DEPDC5: variants seen among roughly 807,000 people sequenced by gnomAD.
DEPDC5 encodes the protein DEP domain containing 5, GATOR1 subcomplex subunit.
DEPDC5 carries 73 observed loss-of-function variants against 217.3 expected under a neutral mutation model. That is an observed-to-expected ratio of 0.34 (90% CI 0.28 to 0.41). The LOEUF (loss-of-function observed/expected upper bound fraction) is 0.41. DEPDC5 is among the 10% of genes least tolerant of loss of function. The probability of loss-of-function intolerance (pLI) is 1.00; values close to 1 mark genes in which losing one functional copy is unlikely to be tolerated. For missense variants in DEPDC5, 1,675 were observed against 2,070.1 expected (o/e 0.81, Z 3.70); for synonymous variants, 733 against 756.7 (o/e 0.97, Z 0.51).
At chr22:31,795,479 C>T (rs1373073675) in intron 12 of DEPDC5, among the ~76,000 whole-genome samples, 10 of 151,950 alleles carry the variant, frequency 6.6e-5, no homozygotes, top group Middle Eastern at 3.2e-3. Context: ...CTGCAAACTC[C>T]GCCTTCCAGG....
rs56945140 is a variant in DEPDC5 at position 31,873,593 on chromosome 22, C to G, written c.3563+261C>G. Among the ~76,000 whole-genome samples, 3,469 of 151,962 alleles carry G rather than the reference C, an allele frequency of 0.023. 123 individuals carry two copies. The highest frequency in any genetic ancestry group is 0.074 in the African/African-American group (3,055 of 41,390). On this transcript the variant is annotated intron_variant, in intron 35 of 42. Coordinates refer to ENST00000651528, the MANE Select transcript of DEPDC5 (RefSeq NM_001242896.3). ...GTGTCGCCATCTTGGCTCACCCAAC[C>G]TCTGCCTCAAGATGGGATTTTTTTA...
intron 10 of DEPDC5, among the ~76,000 whole-genome samples, chr22:31,790,279 A>G: frequency 6.6e-6 from 1 of 152,168 alleles, no homozygotes; most frequent in East Asian, 1.9e-4. Context: ...GTCACTAAGC[A>G]TACTTAAGAT....
At chr22:31,873,442 GT>G in intron 35 of DEPDC5, 110 bp downstream of exon 35, 1 of 1,192,330 alleles carries the variant, frequency 8.4e-7, no homozygotes, top group East Asian at 2.5e-5. Context: ...CTTCTCACCA[GT>G]TTTGAGAGCT....
At chr22:31,869,211 C>T (rs1346398707) in intron 33 of DEPDC5, among the ~76,000 whole-genome samples, 1 of 150,890 alleles carries the variant, frequency 6.6e-6, no homozygotes, top group Non-Finnish European at 1.5e-5. Context: ...GCACTCCAGC[C>T]TGAGCAAAAG....
rs2088983977 is a variant in DEPDC5 at position 31,815,483 on chromosome 22, C to CA, written c.1666+273dup. On this transcript the variant is annotated intron_variant, in intron 21 of 42. Transcript: ENST00000651528. ...CAGTGCGGCCTTGAACTCCTGGACT[C>CA]AATCGATCCTCCCACCTCTGCCTCC... 9 of 662,206 alleles carry CA rather than the reference C, an allele frequency of 1.4e-5. No homozygotes were observed. The South Asian group carries it at 1.5e-4, about 11-fold the overall frequency. The allele number at this position is 662,206 out of a possible 1,614,324, so 41.0% of individuals were successfully genotyped here. A position where few individuals can be genotyped will look rare whatever the true frequency, so the allele number is the denominator to read the frequency against.
At chr22:31,789,000 G>A (rs911324671) in intron 10 of DEPDC5, among the ~76,000 whole-genome samples, 3 of 152,076 alleles carry the variant, frequency 2.0e-5, no homozygotes, top group Admixed American at 6.6e-5. Flanking sequence ...AGGTACAAGC[G>A]ATTCTCGTCC....
At position 31,848,993 on chromosome 22, in the gene DEPDC5, T is replaced by C. The variant is rs1019656847; in HGVS notation, c.3155+2026T>C. On this transcript the variant is annotated intron_variant, in intron 31 of 42. Coordinates refer to ENST00000651528, the MANE Select transcript of DEPDC5 (RefSeq NM_001242896.3). Reference sequence around the variant, plus strand: ...TCCAGTTCCCAACAAGTTGCCCATCTCCATCTGAGACCACTTCAGCCTAGA... The same window carrying C: ...TCCAGTTCCCAACAAGTTGCCCATCCCCATCTGAGACCACTTCAGCCTAGA... Among the ~76,000 whole-genome samples, 7 of 152,286 alleles carry C rather than the reference T, an allele frequency of 4.6e-5. No homozygotes were observed. The South Asian group carries it at 8.3e-4, about 18-fold the overall frequency.
At chr22:31,856,245 A>G (rs1361179431) in intron 31 of DEPDC5, among the ~76,000 whole-genome samples, 1 of 151,768 alleles carries the variant, frequency 6.6e-6, no homozygotes, top group Non-Finnish European at 1.5e-5. Flanking sequence ...ACACACACAC[A>G]CACACACACT....
rs2148822168 is a variant in DEPDC5 at position 31,821,612 on chromosome 22, T to A, written c.1981T>A (p.Leu661Ile). 1 of 1,613,770 alleles carries A rather than the reference T, an allele frequency of 6.2e-7. No homozygotes were observed. The highest frequency in any genetic ancestry group is 2.2e-5 in the East Asian group (1 of 44,872). Residue 661 changes from leucine to isoleucine, a missense_variant, in exon 23 of 43, where the codon TTA becomes ATA. This residue lies in a region of DEPDC5 where 136 missense variants were observed against 132.2 expected (regional missense o/e 1.03). Coordinates refer to ENST00000651528, the MANE Select transcript of DEPDC5 (RefSeq NM_001242896.3). The stretch of plus-strand genomic sequence containing the variant: ...TCACTCCTCTGCAGAGCTGCTGGAG[T>A]TAGCATATCATGAAGCTGCTGGAAG... ...PTHSSAELLE[L>I]AYHEAAGRHS...
intron 4 of DEPDC5, among the ~76,000 whole-genome samples, chr22:31,763,210 C>T (rs1037604792): frequency 3.3e-5 from 5 of 151,978 alleles, no homozygotes; most frequent in African/African-American, 9.7e-5. Flanking sequence ...AGGCTAGTCT[C>T]GAACTGCTGA....
chr22:31,876,312 C>A, intron 37 of DEPDC5, 47 bp downstream of exon 37: 1 of 1,468,638 alleles, frequency 6.8e-7, no homozygotes, highest in African/African-American at 1.4e-5. Context: ...AAGTGTTTTT[C>A]CTGGTGACTT....
intron 30 of DEPDC5, among the ~76,000 whole-genome samples, chr22:31,845,564 C>T (rs1428711682): frequency 6.6e-6 from 1 of 152,070 alleles, no homozygotes; most frequent in Non-Finnish European, 1.5e-5. Flanking sequence ...TAGAAACTCT[C>T]AGGAGGTGAA....
At chr22:31,838,584 G>A (rs2091194151) in intron 26 of DEPDC5, 101 bp from the exon 27 acceptor site, 1 of 1,487,956 alleles carries the variant, frequency 6.7e-7, no homozygotes, top group Admixed American at 1.8e-5. Flanking sequence ...CCATAGAATG[G>A]TTATAAGGGG....
intron 4 of DEPDC5, among the ~76,000 whole-genome samples, chr22:31,762,840 C>A (rs2082510752): frequency 6.6e-6 from 1 of 152,156 alleles, no homozygotes; most frequent in East Asian, 1.9e-4. Context: ...TGGCGTCTCA[C>A]TCTGTTGCCC....
rs764471793 is a variant in DEPDC5 at position 31,845,075 on chromosome 22, C to T, written c.2859C>T (p.Val953=). 6.2e-7 allele frequency: 1 copy of T among 1,614,188 alleles called. No homozygotes were observed. Among genetic ancestry groups the T allele is most frequent in the South Asian group, 1.1e-5 (1 of 91,072 alleles). Residue 953 remains valine, a synonymous_variant, in exon 30 of 43, where the codon GTC becomes GTT. Transcript: ENST00000651528. ...GCTTCCTGCTGCTGCCAGCCTGTGT[C>T]ACCGCCACCAAGCGCATCACGGAGG... ...RTRFLLLPAC[V]TATKRITEGE...
In DEPDC5 at chr22:31,783,956, G is replaced by C. The variant is rs781600507; in HGVS notation, c.533G>C (p.Ser178Thr). ...SAMVYIFIQM[S>T]CEMWDFDIYG... Reference sequence around the variant, plus strand: ...ATGGTTTACATATTTATTCAGATGAGCTGTGAAATGTGGGATTTTGATATT... The same window carrying C: ...ATGGTTTACATATTTATTCAGATGACCTGTGAAATGTGGGATTTTGATATT... Residue 178 changes from serine to threonine, a missense_variant, in exon 9 of 43, where the codon AGC becomes ACC. This residue lies in a region of DEPDC5 where 628 missense variants were observed against 762.1 expected (regional missense o/e 0.82). Coordinates refer to ENST00000651528, the MANE Select transcript of DEPDC5 (RefSeq NM_001242896.3). The C allele has an allele frequency of 6.2e-7, 1 of 1,613,530 alleles. No individual in the cohort carries two copies. Among genetic ancestry groups the C allele is most frequent in the Non-Finnish European group, 8.5e-7 (1 of 1,179,792 alleles).
Position 31,778,165 on chromosome 22 carries a change from C to T in DEPDC5, c.480C>T (p.Thr160=), listed in dbSNP as rs2148329218. The T allele has an allele frequency of 1.2e-6, 2 of 1,613,886 alleles. No individual in the cohort carries two copies. Among genetic ancestry groups the T allele is most frequent in the South Asian group, 1.1e-5 (1 of 91,080 alleles). ...TGTGTGGCTACATCAGTGAAGATAC[C>T]AGGGTAAGATTTATAAAATGCTTTT... ...KVMCGYISED[T]RVVFRSTSAM... is the part of the protein sequence containing the mutation. The change falls in exon 8 of 43, where the codon ACC becomes ACT. Residue 160 remains threonine, a synonymous_variant. Transcript: ENST00000651528.
At chr22:31,765,110 C>A (rs763252756) in intron 5 of DEPDC5, 50 bp downstream of exon 5, 4 of 1,421,370 alleles carry the variant, frequency 2.8e-6, no homozygotes, top group Non-Finnish European at 2.0e-6. Context: ...AGCACCCTTC[C>A]TCAAGGTTAG....
intron 4 of DEPDC5, among the ~76,000 whole-genome samples, chr22:31,761,098 C>T (rs1160006838): frequency 6.6e-6 from 1 of 152,060 alleles, no homozygotes; most frequent in Admixed American, 6.6e-5. Flanking sequence ...TCTCCTCCCT[C>T]AGCCTCCCAA....
Sources: allele counts gnomAD v4.1 joint callset (sites outside exome capture counted in the v4.1 genomes callset), GRCh38; gene constraint gnomAD v4.1.1; regional missense constraint gnomAD v4.1.1; transcripts MANE v1.5; gene names NCBI Gene and HGNC (gene_info 2026-07-23, HGNC 2026-07-21).